Variants in CCDC6 observed in about 807,000 individuals in gnomAD.
CCDC6 encodes coiled-coil domain containing 6.
Under a neutral mutation model 56.6 loss-of-function variants are expected in CCDC6, and 20 were observed. The ratio of observed to expected loss-of-function variants is 0.35; its 90% CI spans 0.25 to 0.51. The LOEUF is 0.51. CCDC6 is among the 20% of genes least tolerant of loss of function. The pLI is 0.95. For synonymous variants in CCDC6, 241 were observed against 234.4 expected, an observed-to-expected ratio of 1.03 and a Z score of -0.26; for missense variants, 367 against 601.1, an observed-to-expected ratio of 0.61 and a Z score of 4.07.
At chr10:59,892,006 C>T (rs746696507) in intron 1 of CCDC6, among the ~76,000 whole-genome samples, 10 of 152,194 alleles carry the variant, frequency 6.6e-5, no homozygotes, top group Non-Finnish European at 1.5e-4. Context: ...ACCACCCTGG[C>T]CCATCACCAG....
chr10:59,806,754 T>A, intron 6 of CCDC6, 168 bp downstream of exon 6: 3 of 498,460 alleles, frequency 6.0e-6, no homozygotes, highest in Non-Finnish European at 1.0e-5. Context: ...AAATGTTCAA[T>A]CTTTATCCCA....
intron 3 of CCDC6, among the ~76,000 whole-genome samples, chr10:59,815,380 A>C (rs2070702923): frequency 6.6e-6 from 1 of 152,208 alleles, no homozygotes; most frequent in South Asian, 2.1e-4. Context: ...GTTCTATTTC[A>C]ATGAAGCAAA....
chr10:59,820,855 ATTT>A (rs201032652), intron 3 of CCDC6, among the ~76,000 whole-genome samples: 2 of 144,250 alleles, frequency 1.4e-5, no homozygotes, highest in East Asian at 2.0e-4. Flanking sequence ...AGTTGGCTAG[ATTT>A]TTTTTTTTTT....
At chr10:59,842,750 ATTTTT>A (rs3043541) in intron 2 of CCDC6, among the ~76,000 whole-genome samples, 2 of 115,534 alleles carry the variant, frequency 1.7e-5, no homozygotes, top group African/African-American at 6.8e-5. Flanking sequence ...ATGGAAGACA[ATTTTT>A]TTTTTTTTTT....
intron 8 of CCDC6, among the ~76,000 whole-genome samples, chr10:59,793,710 G>C (rs1206194224): frequency 2.6e-5 from 4 of 151,868 alleles, no homozygotes; most frequent in Non-Finnish European, 2.9e-5. Flanking sequence ...CTTGAGCTCC[G>C]GAGGCGGATG....
At chr10:59,830,897 A>C (rs940674423) in intron 3 of CCDC6, among the ~76,000 whole-genome samples, 3 of 152,188 alleles carry the variant, frequency 2.0e-5, no homozygotes, top group Admixed American at 6.5e-5. Flanking sequence ...ACCAGAGAGA[A>C]GCTATTATAT....
intron 7 of CCDC6, among the ~76,000 whole-genome samples, chr10:59,802,815 CT>C (rs1199652076): frequency 6.6e-6 from 1 of 152,124 alleles, no homozygotes; most frequent in African/African-American, 2.4e-5. Flanking sequence ...GACATTTGTT[CT>C]TTTTCTTTTC....
chr10:59,880,784 C>T (rs549535922), intron 1 of CCDC6, among the ~76,000 whole-genome samples: 1 of 152,330 alleles, frequency 6.6e-6, no homozygotes, highest in East Asian at 1.9e-4. Flanking sequence ...CATCTTCCAT[C>T]TGTAAATGAG....
chr10:59,804,385 A>ATGTGCTATT, intron 7 of CCDC6, 35 bp downstream of exon 7: 2 of 1,248,664 alleles, frequency 1.6e-6, no homozygotes, highest in Non-Finnish European at 2.4e-6. Flanking sequence ...TGTGCCAGGA[A>ATGTGCTATT]TCAGTCACTG....
At chr10:59,845,494 T>C (rs1035547573) in intron 2 of CCDC6, among the ~76,000 whole-genome samples, 3 of 152,092 alleles carry the variant, frequency 2.0e-5, no homozygotes, top group African/African-American at 7.2e-5. Flanking sequence ...TATCTACTCA[T>C]AACAAATTAC....
Position 59,861,858 on chromosome 10 carries a change from T to G in CCDC6, c.304-9156A>C, listed in dbSNP as rs533926819. 4.6e-5 allele frequency among the ~76,000 whole-genome samples: 7 copies of G among 152,344 alleles called. No individual in the cohort carries two copies. The East Asian group carries it at 1.2e-3, about 25-fold the overall frequency. On this transcript the variant is annotated intron_variant, in intron 1 of 8. Coordinates refer to ENST00000263102, the MANE Select transcript of CCDC6 (RefSeq NM_005436.5). Reference sequence around the variant, plus strand: ...ATCAAATGGTCCAACAATTCTTTTCTTCTAATACTCCAGTTACACTGGTAA... The same window carrying G: ...ATCAAATGGTCCAACAATTCTTTTCGTCTAATACTCCAGTTACACTGGTAA...
intron 1 of CCDC6, among the ~76,000 whole-genome samples, chr10:59,894,735 G>C (rs1358077693): frequency 1.3e-5 from 2 of 152,144 alleles, no homozygotes; most frequent in Non-Finnish European, 2.9e-5. Flanking sequence ...AATATCCTGG[G>C]GTAGCTGAAC....
At chr10:59,834,159 C>T (rs1422875522) in intron 2 of CCDC6, among the ~76,000 whole-genome samples, 1 of 152,136 alleles carries the variant, frequency 6.6e-6, no homozygotes, top group Admixed American at 6.5e-5. Context: ...CCTGATCATC[C>T]TCAAAATGGC....
At chr10:59,863,674 T>A (rs1166054717) in intron 1 of CCDC6, among the ~76,000 whole-genome samples, 2 of 152,210 alleles carry the variant, frequency 1.3e-5, no homozygotes, top group South Asian at 2.1e-4. Flanking sequence ...TTATGGTATA[T>A]AAAATTCTAT....
intron 2 of CCDC6, among the ~76,000 whole-genome samples, chr10:59,847,057 A>AT (rs11415063): frequency 0.5 from 74,343 of 149,332 alleles, 20,074 homozygotes; most frequent in African/African-American, 0.74. Context: ...GAATTAGAAA[A>AT]TTTTTTTTTT....
intron 2 of CCDC6, among the ~76,000 whole-genome samples, chr10:59,847,053 G>C (rs934943536): frequency 8.4e-6 from 1 of 119,366 alleles, no homozygotes; most frequent in African/African-American, 4.3e-5. Flanking sequence ...AGGGGAATTA[G>C]AAAATTTTTT....
At chr10:59,808,704 C>T (rs1390428636) in intron 5 of CCDC6, among the ~76,000 whole-genome samples, 1 of 152,184 alleles carries the variant, frequency 6.6e-6, no homozygotes, top group African/African-American at 2.4e-5. Context: ...AGCTGAATGC[C>T]ACAATGAGCA....
At chr10:59,879,498 T>G (rs1224949206) in intron 1 of CCDC6, among the ~76,000 whole-genome samples, 1 of 151,534 alleles carries the variant, frequency 6.6e-6, no homozygotes, top group Admixed American at 6.6e-5. Flanking sequence ...AGCAATCTCA[T>G]TAAACATCTA....
intron 1 of CCDC6, among the ~76,000 whole-genome samples, chr10:59,897,057 G>C (rs888283045): frequency 2.0e-5 from 3 of 152,002 alleles, no homozygotes; most frequent in Non-Finnish European, 4.4e-5. Flanking sequence ...AGTACTCTTT[G>C]GTTAATAAAA....
Sources: allele counts gnomAD v4.1 joint callset (sites outside exome capture counted in the v4.1 genomes callset), GRCh38; gene constraint gnomAD v4.1.1; transcripts MANE v1.5; gene names NCBI Gene and HGNC (gene_info 2026-07-23, HGNC 2026-07-21).